COMMD7: variants seen among roughly 807,000 people sequenced by gnomAD.
COMMD7 encodes the protein COMM domain containing 7, also known as COMM domain-containing protein 7.
Under a neutral mutation model 34.8 loss-of-function variants are expected in COMMD7, and 28 were observed. That is an observed-to-expected ratio of 0.80 (90% CI 0.60 to 1.10). COMMD7 has a LOEUF of 1.10. COMMD7 is among the 50% of genes least tolerant of loss of function. COMMD7 has a pLI of 0.00. For synonymous variants in COMMD7, 80 were observed against 86.4 expected (o/e 0.93, Z 0.41); for missense variants, 211 against 241.6 (o/e 0.87, Z 0.84).
intron 1 of COMMD7, among the ~76,000 whole-genome samples, chr20:32,740,929 G>A (rs573608561): frequency 6.6e-6 from 1 of 151,096 alleles, no homozygotes; most frequent in East Asian, 2.0e-4. Context: ...GATCACTTGA[G>A]GTCAGGAGTT....
At chr20:32,705,605 C>G (rs1026014691) in intron 5 of COMMD7, among the ~76,000 whole-genome samples, 1 of 151,992 alleles carries the variant, frequency 6.6e-6, no homozygotes, top group Admixed American at 6.6e-5. Flanking sequence ...GATCTCCTGA[C>G]CTCGTGATCC....
In COMMD7 at chr20:32,741,154, C is replaced by CA. The variant is rs753143284; in HGVS notation, c.84+2153dup. The stretch of plus-strand genomic sequence containing the variant: ...GAAGACTCCGTCTAAAACAAACAAA[C>CA]AAACAAAAAAAAACTGACAGTAGGC... On this transcript the variant is annotated intron_variant, in intron 1 of 8. Transcript: ENST00000278980. 1.2e-3 allele frequency among the ~76,000 whole-genome samples: 136 copies of CA among 112,708 alleles called. 1 individual carries two copies. Among genetic ancestry groups the CA allele is most frequent in the African/African-American group, 4.4e-3 (120 of 27,424 alleles). The allele number at this position is 112,708 out of a possible 152,430, so 73.9% of individuals were successfully genotyped here.
In COMMD7 at chr20:32,724,761, T is replaced by G. The variant is rs1217859739; in HGVS notation, c.241+3132A>C. 8.9e-4 allele frequency among the ~76,000 whole-genome samples: 13 copies of G among 14,554 alleles called. 4 individuals carry two copies. Among genetic ancestry groups the G allele is most frequent in the Non-Finnish European group, 2.6e-3 (13 of 5,050 alleles). The allele number at this position is 14,554 out of a possible 152,430, so 9.5% of individuals were successfully genotyped here. On this transcript the variant is annotated intron_variant, in intron 3 of 8. Transcript: ENST00000278980. ...AAGGCAGCATGCTCGTTAAGAGTCA[T>G]CACCAATCCCTAATCTCAAGTAATC...
chr20:32,733,492 G>A (rs1205123428), intron 1 of COMMD7, among the ~76,000 whole-genome samples: 3 of 152,200 alleles, frequency 2.0e-5, no homozygotes, highest in Admixed American at 6.5e-5. Context: ...GCCGAGGCGG[G>A]CAGATCACCT....
At chr20:32,737,170 A>G (rs1233571711) in intron 1 of COMMD7, among the ~76,000 whole-genome samples, 22 of 151,778 alleles carry the variant, frequency 1.4e-4, no homozygotes, top group Non-Finnish European at 8.8e-5. Flanking sequence ...TGACAGAGCG[A>G]GACTCCATCT....
At chr20:32,728,774 C>G (rs1249726194) in intron 1 of COMMD7, among the ~76,000 whole-genome samples, 1 of 151,896 alleles carries the variant, frequency 6.6e-6, no homozygotes, top group Non-Finnish European at 1.5e-5. Context: ...CTTTGTTGCC[C>G]AGGATGGTCT....
In COMMD7 at chr20:32,732,390, C is replaced by A. The variant is rs183624272; in HGVS notation, c.85-4248G>T. On this transcript the variant is annotated intron_variant, in intron 1 of 8. Coordinates refer to ENST00000278980, the MANE Select transcript of COMMD7 (RefSeq NM_053041.3). ...ATAGGTTTGACCAACCACACCCAAC[C>A]GGCATCAAATTTTTAAAGTGATTAT... 7.9e-5 allele frequency among the ~76,000 whole-genome samples: 12 copies of A among 152,274 alleles called. No homozygotes were observed. The East Asian group carries it at 2.3e-3, about 29-fold the overall frequency.
At chr20:32,726,210 G>A (rs994316302) in intron 3 of COMMD7, among the ~76,000 whole-genome samples, 6 of 152,084 alleles carry the variant, frequency 3.9e-5, no homozygotes, top group Non-Finnish European at 7.4e-5. Context: ...GGCCAAAACA[G>A]TGAAACCCCA....
intron 3 of COMMD7, among the ~76,000 whole-genome samples, chr20:32,721,268 G>T (rs1262383131): frequency 6.6e-6 from 1 of 151,846 alleles, no homozygotes; most frequent in Non-Finnish European, 1.5e-5. Flanking sequence ...GCCCAGGATC[G>T]CTGGAGACCA....
intron 3 of COMMD7, among the ~76,000 whole-genome samples, chr20:32,711,171 TG>T (rs2145721149): frequency 6.6e-6 from 1 of 150,558 alleles, no homozygotes; most frequent in South Asian, 2.1e-4. Flanking sequence ...CTGAGGCGGG[TG>T]GATCACTTGA....
chr20:32,718,243 A>T (rs1466721891), intron 3 of COMMD7, among the ~76,000 whole-genome samples: 2 of 151,934 alleles, frequency 1.3e-5, no homozygotes, highest in Non-Finnish European at 2.9e-5. Flanking sequence ...TCTCTACTAA[A>T]AATACAAAAA....
At chr20:32,704,210 T>A in intron 7 of COMMD7, 139 bp from the exon 8 acceptor site, 1 of 821,094 alleles carries the variant, frequency 1.2e-6, no homozygotes, top group Non-Finnish European at 1.9e-6. Flanking sequence ...CCGAAAATTC[T>A]AACAATTCCC....
rs373746800 is a variant in COMMD7, at chr20:32,741,377, G to A, written c.84+1931C>T. On this transcript the variant is annotated intron_variant, in intron 1 of 8. Coordinates refer to ENST00000278980, the MANE Select transcript of COMMD7 (RefSeq NM_053041.3). ...GGACTACTGTGGTAGCTGTGCCACCGTACCCAACTAGAAAGTTGTTTTTTT... is the reference window on the plus strand; with the variant it reads ...GGACTACTGTGGTAGCTGTGCCACCATACCCAACTAGAAAGTTGTTTTTTT... Among the ~76,000 whole-genome samples, 131 of 141,040 alleles carry A rather than the reference G, an allele frequency of 9.3e-4. 1 individual carries two copies. Among genetic ancestry groups the A allele is most frequent in the African/African-American group, 3.3e-3 (125 of 37,830 alleles). 92.5% of individuals were successfully genotyped at this position (141,040 alleles called of 152,430 possible). A position where few individuals can be genotyped will look rare whatever the true frequency, so the allele number is the denominator to read the frequency against.
At position 32,722,230 on chromosome 20, in the gene COMMD7, A is replaced by G. The variant is rs1380176732; in HGVS notation, c.241+5663T>C. On this transcript the variant is annotated intron_variant, in intron 3 of 8. Coordinates refer to ENST00000278980, the MANE Select transcript of COMMD7 (RefSeq NM_053041.3). ...CCTGTACTCCAGCCTGGGTGACAAGAGCAAAACTCTGTCTCGAAAAAAAAA... is the reference window on the plus strand; with the variant it reads ...CCTGTACTCCAGCCTGGGTGACAAGGGCAAAACTCTGTCTCGAAAAAAAAA... Among the ~76,000 whole-genome samples, 5 of 123,726 alleles carry G rather than the reference A, an allele frequency of 4.0e-5. No individual in the cohort carries two copies. The East Asian group carries it at 7.8e-4, about 19-fold the overall frequency. The allele number at this position is 123,726 out of a possible 152,430, so 81.2% of individuals were successfully genotyped here.
chr20:32,704,491 T>C lies in COMMD7; in HGVS notation c.428-2A>G. ...CCAATTCGCTGCTCCCAGATGTCAC[T>C]GTGACAAAAAAAAAAAAAAAGAGAG... On this transcript the variant is annotated splice_acceptor_variant, in intron 6 of 8. Coordinates refer to ENST00000278980, the MANE Select transcript of COMMD7 (RefSeq NM_053041.3). LOFTEE classifies it high-confidence loss of function. The C allele has an allele frequency of 1.3e-6, 2 of 1,529,640 alleles. No homozygotes were observed. Among genetic ancestry groups the C allele is most frequent in the Non-Finnish European group, 1.8e-6 (2 of 1,141,904 alleles). The allele number at this position is 1,529,640 out of a possible 1,614,324, so 94.8% of individuals were successfully genotyped here.
At chr20:32,704,774 G>C (rs1184084863) in intron 6 of COMMD7, 40 bp downstream of exon 6, 1 of 1,483,930 alleles carries the variant, frequency 6.7e-7, no homozygotes, top group Non-Finnish European at 9.4e-7. Flanking sequence ...CCCCAACCCT[G>C]TACCACCCAA....
chr20:32,714,681 G>A (rs530916535), intron 3 of COMMD7, among the ~76,000 whole-genome samples: 10 of 152,072 alleles, frequency 6.6e-5, no homozygotes, highest in African/African-American at 2.2e-4. Context: ...AAAATTAGCC[G>A]GGCACGGTGG....
intron 3 of COMMD7, among the ~76,000 whole-genome samples, chr20:32,711,669 T>C (rs1432002362): frequency 6.6e-6 from 1 of 152,064 alleles, no homozygotes; most frequent in Non-Finnish European, 1.5e-5. Context: ...GAGGCCAGAC[T>C]TGAAACATGG....
intron 3 of COMMD7, among the ~76,000 whole-genome samples, chr20:32,713,339 T>C (rs1475783354): frequency 6.6e-6 from 1 of 152,164 alleles, no homozygotes; most frequent in Non-Finnish European, 1.5e-5. Context: ...CGTGCGCCAA[T>C]GCGCCTGGCA....
Sources: allele counts gnomAD v4.1 joint callset (sites outside exome capture counted in the v4.1 genomes callset), GRCh38; gene constraint gnomAD v4.1.1; transcripts MANE v1.5; gene names NCBI Gene and HGNC (gene_info 2026-07-23, HGNC 2026-07-21).